ANO1: variants seen among roughly 807,000 people sequenced by gnomAD.
ANO1 encodes the protein anoctamin 1.
In ANO1, 59 loss-of-function variants were observed where a neutral mutation model predicts 124.0. That is an observed-to-expected ratio of 0.48 (90% CI 0.39 to 0.59). The LOEUF (loss-of-function observed/expected upper bound fraction) is 0.59. ANO1 is among the 20% of genes least tolerant of loss of function. ANO1 has a pLI of 0.00. For synonymous variants in ANO1, 529 were observed against 532.0 expected (o/e 0.99, Z 0.08); for missense variants, 1,059 against 1,328.0 (o/e 0.80, Z 3.15).
intron 1 of ANO1, among the ~76,000 whole-genome samples, chr11:70,062,151 A>G (rs113628561): frequency 0.011 from 1,447 of 129,518 alleles, 18 homozygotes; most frequent in African/African-American, 0.039. Flanking sequence ...ATCTTGGCTC[A>G]CTGCAACCTC....
intron 1 of ANO1, among the ~76,000 whole-genome samples, chr11:70,026,097 CGGT>C (rs1856901100): frequency 1.6e-5 from 1 of 61,722 alleles, no homozygotes; most frequent in African/African-American, 6.7e-5. Flanking sequence ...ATGATGATGA[CGGT>C]GGTGGTGGTG....
chr11:70,107,613 G>T (rs1010589593), intron 5 of ANO1, among the ~76,000 whole-genome samples: 2 of 152,096 alleles, frequency 1.3e-5, no homozygotes, highest in Non-Finnish European at 1.5e-5. Context: ...AGCACGACCA[G>T]TTCTTCTCAC....
At chr11:70,035,897 G>A (rs1410782372) in intron 1 of ANO1, among the ~76,000 whole-genome samples, 1 of 152,110 alleles carries the variant, frequency 6.6e-6, no homozygotes, top group Non-Finnish European at 1.5e-5. Flanking sequence ...GTGTATATGT[G>A]CCACATTTTC....
intron 1 of ANO1, among the ~76,000 whole-genome samples, chr11:70,020,170 G>A (rs778046125): frequency 3.3e-5 from 5 of 152,184 alleles, no homozygotes; most frequent in Non-Finnish European, 7.4e-5. Flanking sequence ...TTTAGTCCAT[G>A]GGGTAATGAA....
intron 1 of ANO1, among the ~76,000 whole-genome samples, chr11:70,070,326 G>A (rs1295956500): frequency 6.6e-6 from 1 of 152,194 alleles, no homozygotes; most frequent in Non-Finnish European, 1.5e-5. Flanking sequence ...TGCAGATAAG[G>A]GGTGGCGGAT....
At chr11:70,073,317 G>A (rs1009798101), upstream of ANO1, among the ~76,000 whole-genome samples, 2 of 152,106 alleles carry the variant, frequency 1.3e-5, no homozygotes, top group Admixed American at 6.6e-5. Context: ...AGCTGTTTAA[G>A]ATTTCGTCTA....
chr11:70,185,345 T>A (rs1453050941), intron 24 of ANO1, among the ~76,000 whole-genome samples: 1 of 152,192 alleles, frequency 6.6e-6, no homozygotes, highest in Non-Finnish European at 1.5e-5. Context: ...CTGCCACATG[T>A]GTTTTACATG....
intron 1 of ANO1, among the ~76,000 whole-genome samples, chr11:70,050,587 G>GC (rs1457109622): frequency 6.6e-6 from 1 of 152,042 alleles, no homozygotes; most frequent in Non-Finnish European, 1.5e-5. Context: ...ACTGTTGGGG[G>GC]CCCCAACCCT....
chr11:70,018,738 C>T (rs1050158756), intron 1 of ANO1, among the ~76,000 whole-genome samples: 18 of 152,222 alleles, frequency 1.2e-4, no homozygotes, highest in Non-Finnish European at 1.6e-4. Context: ...TCCAAGGCAA[C>T]GGAAAGACTG....
intron 1 of ANO1, among the ~76,000 whole-genome samples, chr11:70,050,643 T>A (rs1286526743): frequency 6.6e-6 from 1 of 152,168 alleles, no homozygotes; most frequent in Non-Finnish European, 1.5e-5. Context: ...TTCTATAACA[T>A]CAGGAACAGT....
intron 11 of ANO1, among the ~76,000 whole-genome samples, chr11:70,146,875 C>G (rs2047398049): frequency 6.6e-6 from 1 of 152,184 alleles, no homozygotes; most frequent in African/African-American, 2.4e-5. Context: ...GTGTGCTCTT[C>G]CACCTTCCCC....
At chr11:70,113,414 T>G (rs1171625072) in intron 7 of ANO1, among the ~76,000 whole-genome samples, 1 of 152,190 alleles carries the variant, frequency 6.6e-6, no homozygotes, top group Non-Finnish European at 1.5e-5. Flanking sequence ...TTCAGGCCCC[T>G]AGACCAGGGC....
intron 1 of ANO1, among the ~76,000 whole-genome samples, chr11:70,040,952 T>A (rs1473369497): frequency 1.3e-5 from 2 of 152,182 alleles, no homozygotes; most frequent in African/African-American, 4.8e-5. Context: ...CTAAGCATCA[T>A]AGCTCGAGGG....
rs190457209 is a variant in ANO1, at chr11:70,065,951, G to A, written c.59-12591G>A. Among the ~76,000 whole-genome samples, 297 of 152,230 alleles carry A rather than the reference G, an allele frequency of 2.0e-3. 2 individuals are homozygous for A. The highest frequency in any genetic ancestry group is 6.9e-3 in the African/African-American group (285 of 41,532). ...CCCGCCGTCCCCTCTTCCTGCTTCC[G>A]TCCTCCACAGCAGTCATCACCATCT... On this transcript the variant is annotated intron_variant, in intron 1 of 27. Coordinates refer to the ANO1 transcript ENST00000531349.
chr11:70,078,033 C>T (rs2135159982), upstream of ANO1, among the ~76,000 whole-genome samples: 1 of 152,176 alleles, frequency 6.6e-6, no homozygotes, highest in East Asian at 2.0e-4. Flanking sequence ...CTTCACTCCC[C>T]CCGGAGGCGG....
chr11:70,104,565 G>T (rs1283474855), intron 4 of ANO1, among the ~76,000 whole-genome samples: 2 of 152,160 alleles, frequency 1.3e-5, no homozygotes, highest in African/African-American at 4.8e-5. Flanking sequence ...GCATCCCCAG[G>T]CAGGAGGCCT....
intron 14 of ANO1, among the ~76,000 whole-genome samples, chr11:70,155,097 G>A (rs1001777505): frequency 2.6e-5 from 4 of 152,354 alleles, no homozygotes; most frequent in Middle Eastern, 3.4e-3. Flanking sequence ...AGCCCACCCT[G>A]TAGTTGTGTG....
intron 16 of ANO1, among the ~76,000 whole-genome samples, chr11:70,160,341 C>T (rs2047995071): frequency 6.6e-6 from 1 of 152,066 alleles, no homozygotes; most frequent in African/African-American, 2.4e-5. Flanking sequence ...ATGGGGCATC[C>T]ACACCCCTGG....
chr11:70,165,900 G>C (rs2048237515), intron 20 of ANO1, among the ~76,000 whole-genome samples: 3 of 152,200 alleles, frequency 2.0e-5, no homozygotes, highest in Admixed American at 2.0e-4. Flanking sequence ...CGTGCCTGTA[G>C]TCCCAGCTAC....
Sources: allele counts gnomAD v4.1 joint callset (sites outside exome capture counted in the v4.1 genomes callset), GRCh38; gene constraint gnomAD v4.1.1; transcripts MANE v1.5; gene names NCBI Gene and HGNC (gene_info 2026-07-23, HGNC 2026-07-21).